ARHGAP8: variants seen among roughly 807,000 people sequenced by gnomAD.
The protein encoded by ARHGAP8 is rho GTPase-activating protein 8.
A neutral mutation model predicts 46.1 loss-of-function variants in ARHGAP8; 62 were observed. The observed-to-expected ratio is 1.34, with a 90% CI of 1.10 to 1.66. ARHGAP8 has a LOEUF of 1.66. Among genes scored for constraint, ARHGAP8 ranks in the 40% most tolerant of loss-of-function variants. The pLI is 0.00. For missense variants in ARHGAP8, 923 were observed against 568.4 expected (o/e 1.62, Z -6.34); for synonymous variants, 375 against 243.1 (o/e 1.54, Z -5.05).
chr22:44,759,421 A>G (rs941247656), intron 1 of ARHGAP8, among the ~76,000 whole-genome samples: 1 of 152,222 alleles, frequency 6.6e-6, no homozygotes, highest in East Asian at 1.9e-4. Context: ...TTTTGGCTGT[A>G]ATTAACAGAA....
intron 9 of ARHGAP8, 145 bp downstream of exon 9, chr22:44,848,195 G>A: frequency 8.7e-7 from 1 of 1,151,794 alleles, no homozygotes; most frequent in South Asian, 1.5e-5. Flanking sequence ...AGCTTCCCAG[G>A]AGGCATCGAG....
chr22:44,851,335 C>T (rs4823394), intron 10 of ARHGAP8, among the ~76,000 whole-genome samples: 90,117 of 151,964 alleles, frequency 0.59, 27,559 homozygotes, highest in African/African-American at 0.75. Context: ...CAGATTCACA[C>T]GAGAAAAGCA....
chr22:44,770,850 C>T (rs1032897948), intron 1 of ARHGAP8, among the ~76,000 whole-genome samples: 6 of 152,152 alleles, frequency 3.9e-5, no homozygotes, highest in African/African-American at 1.2e-4. Flanking sequence ...ACCTTGTAGC[C>T]TTGTATTCGT....
chr22:44,838,325 A>G (rs933299779), intron 7 of ARHGAP8, among the ~76,000 whole-genome samples: 1 of 152,108 alleles, frequency 6.6e-6, no homozygotes, highest in African/African-American at 2.4e-5. Context: ...TTTAGTAGAG[A>G]CAGGGTTTCA....
intron 1 of ARHGAP8, among the ~76,000 whole-genome samples, chr22:44,781,805 G>A (rs1389234711): frequency 1.3e-5 from 2 of 152,058 alleles, no homozygotes; most frequent in Admixed American, 1.3e-4. Context: ...GATTGCAGGC[G>A]TGAGCCACCG....
chr22:44,839,546 A>G (rs1402972398), intron 7 of ARHGAP8, among the ~76,000 whole-genome samples: 1 of 152,210 alleles, frequency 6.6e-6, no homozygotes, highest in African/African-American at 2.4e-5. Flanking sequence ...GGAGCCCAGC[A>G]GGAGGAGCAG....
intron 2 of ARHGAP8, among the ~76,000 whole-genome samples, chr22:44,799,392 C>CG (rs1029678408): frequency 2.7e-4 from 41 of 152,258 alleles, no homozygotes; most frequent in Non-Finnish European, 4.7e-4. Context: ...ATTGCGGATG[C>CG]GGGGGGCAAC....
intron 2 of ARHGAP8, 135 bp downstream of exon 2, chr22:44,786,741 G>A (rs964360608): frequency 7.5e-5 from 99 of 1,318,434 alleles, no homozygotes; most frequent in African/African-American, 6.2e-4. Flanking sequence ...AGAGCCAGGT[G>A]CAGTGGCTCA....
At chr22:44,830,144 C>T (rs867934298) in intron 7 of ARHGAP8, among the ~76,000 whole-genome samples, 14 of 151,248 alleles carry the variant, frequency 9.3e-5, no homozygotes, top group African/African-American at 3.4e-4. Context: ...CTGTCTCAGC[C>T]TCCCGAGTAG....
chr22:44,859,953 G>A (rs112958674), intron 11 of ARHGAP8, 119 bp downstream of exon 11: 66 of 1,178,344 alleles, frequency 5.6e-5, no homozygotes, highest in African/African-American at 1.8e-4. Context: ...CTTGGGCCTC[G>A]GAATACCACT....
intron 1 of ARHGAP8, among the ~76,000 whole-genome samples, chr22:44,780,718 C>T (rs1176886371): frequency 6.6e-6 from 1 of 152,182 alleles, no homozygotes; most frequent in African/African-American, 2.4e-5. Context: ...CATCCTCAGG[C>T]CCTGCCCTCA....
chr22:44,786,417 T>C, intron 1 of ARHGAP8, 40 bp from the exon 2 acceptor site: 1 of 1,550,668 alleles, frequency 6.4e-7, no homozygotes, highest in African/African-American at 1.4e-5. Context: ...CCCGCCTTAC[T>C]GGAGAATGCA....
chr22:44,815,030 C>T (rs1378567805), intron 5 of ARHGAP8, among the ~76,000 whole-genome samples: 1 of 152,150 alleles, frequency 6.6e-6, no homozygotes, highest in Non-Finnish European at 1.5e-5. Flanking sequence ...TGTGTGACCA[C>T]CCTCAGGTGC....
chr22:44,841,230 A>G (rs1384945896), intron 7 of ARHGAP8, among the ~76,000 whole-genome samples: 1 of 78,254 alleles, frequency 1.3e-5, no homozygotes. Flanking sequence ...TAAAGTTTCC[A>G]TGTATTTTTT....
At chr22:44,780,493 T>C (rs1926763748) in intron 1 of ARHGAP8, among the ~76,000 whole-genome samples, 1 of 151,720 alleles carries the variant, frequency 6.6e-6, no homozygotes, top group Non-Finnish European at 1.5e-5. Context: ...AAAACCCATA[T>C]CTATTAAAAA....
chr22:44,790,520 A>G (rs1451477138), intron 2 of ARHGAP8, among the ~76,000 whole-genome samples: 1 of 151,798 alleles, frequency 6.6e-6, no homozygotes, highest in Non-Finnish European at 1.5e-5. Flanking sequence ...TACTAAAAAT[A>G]CAAAAATTAG....
intron 1 of ARHGAP8, among the ~76,000 whole-genome samples, chr22:44,760,040 G>A (rs776149935): frequency 3.9e-5 from 6 of 152,218 alleles, no homozygotes; most frequent in Admixed American, 2.0e-4. Flanking sequence ...GGGTGCTGAA[G>A]GTTTCCTGCG....
intron 7 of ARHGAP8, among the ~76,000 whole-genome samples, chr22:44,834,306 T>A (rs1379794245): frequency 6.6e-6 from 1 of 152,148 alleles, no homozygotes; most frequent in East Asian, 1.9e-4. Context: ...GCAATAGATG[T>A]ATCTGTTAGT....
intron 11 of ARHGAP8, 60 bp from the exon 12 acceptor site, chr22:44,862,215 T>C: frequency 6.5e-7 from 1 of 1,529,692 alleles, no homozygotes; most frequent in Non-Finnish European, 8.8e-7. Context: ...CGGGAGGGAG[T>C]TCCAGGTGCC....
Sources: allele counts gnomAD v4.1 joint callset (sites outside exome capture counted in the v4.1 genomes callset), GRCh38; gene constraint gnomAD v4.1.1; transcripts MANE v1.5; gene names NCBI Gene and HGNC (gene_info 2026-07-23, HGNC 2026-07-21).